Variants in F13A1 observed in about 807,000 individuals in gnomAD.
F13A1 encodes FSF, A subunit.
A neutral mutation model predicts 80.1 loss-of-function variants in F13A1; 47 were observed. The observed-to-expected ratio is 0.59, with a 90% CI of 0.46 to 0.75. The LOEUF (loss-of-function observed/expected upper bound fraction) is 0.75. Ranked by LOEUF, F13A1 falls within the 30% of genes least tolerant of loss-of-function variation. The pLI is 0.00. For synonymous variants in F13A1, 349 were observed against 344.9 expected (o/e 1.01, Z -0.13); for missense variants, 817 against 930.4 (o/e 0.88, Z 1.59).
intron 3 of F13A1, among the ~76,000 whole-genome samples, chr6:6,289,163 T>C (rs1758176925): frequency 6.6e-6 from 1 of 152,126 alleles, no homozygotes; most frequent in Non-Finnish European, 1.5e-5. Context: ...TATTTGCAGG[T>C]GAGGAAACAG....
At chr6:6,294,484 C>G (rs1422395787) in intron 3 of F13A1, among the ~76,000 whole-genome samples, 1 of 151,894 alleles carries the variant, frequency 6.6e-6, no homozygotes, top group African/African-American at 2.4e-5. Flanking sequence ...TAAATTAATA[C>G]TTAAATAAAC....
chr6:6,280,055 C>T (rs4959377), intron 3 of F13A1, among the ~76,000 whole-genome samples: 106,729 of 152,074 alleles, frequency 0.7, 38,301 homozygotes, highest in African/African-American at 0.86. Context: ...AAAGCAATTA[C>T]TGGAGAAACA....
rs866391768 is a variant in F13A1 at position 6,189,583 on chromosome 6, C to A, written c.1305+6214G>T. ...CTCTTCTGGCTTGTAGAGTTTCTGC[C>A]GAGAGATCCGCTGTTAGTCTGATGG... On this transcript the variant is annotated intron_variant, in intron 10 of 14. Transcript: ENST00000264870. Among the ~76,000 whole-genome samples, 3 of 143,866 alleles carry A rather than the reference C, an allele frequency of 2.1e-5. No homozygotes were observed. In the East Asian group the frequency reaches 6.1e-4, roughly 29 times the overall value. The allele number at this position is 143,866 out of a possible 152,430, so 94.4% of individuals were successfully genotyped here. A position where few individuals can be genotyped will look rare whatever the true frequency, so the allele number is the denominator to read the frequency against.
chr6:6,270,339 T>C lies in F13A1; in HGVS notation c.320-3530A>G, dbSNP rs530555866. The stretch of plus-strand genomic sequence containing the variant: ...TTTCTAAACTATTCGCAAACATCTG[T>C]ACTACTAGTAGGTCAACCTTTAGTT... On this transcript the variant is annotated intron_variant, in intron 3 of 14. Coordinates refer to ENST00000264870, the MANE Select transcript of F13A1 (RefSeq NM_000129.4). Among the ~76,000 whole-genome samples, 14 of 152,346 alleles carry C rather than the reference T, an allele frequency of 9.2e-5. No homozygotes were observed. The South Asian group carries it at 2.7e-3, about 29-fold the overall frequency.
chr6:6,244,674 G>A (rs1371079630), intron 6 of F13A1, among the ~76,000 whole-genome samples: 1 of 152,158 alleles, frequency 6.6e-6, no homozygotes, highest in East Asian at 1.9e-4. Context: ...CTATTTTGAA[G>A]AATAAAAGAG....
chr6:6,313,882 C>T (rs1384360402), intron 2 of F13A1, among the ~76,000 whole-genome samples: 2 of 152,108 alleles, frequency 1.3e-5, no homozygotes, highest in Middle Eastern at 3.2e-3. Context: ...AGAAATGAGC[C>T]CCATACCTCC....
chr6:6,145,476 TG>T lies in F13A1; in HGVS notation c.*142del, dbSNP rs1760260059. 1 of 1,010,072 alleles carries T rather than the reference TG, an allele frequency of 9.9e-7. No individual in the cohort carries two copies. The highest frequency in any genetic ancestry group is 1.5e-6 in the Non-Finnish European group (1 of 650,252). 62.6% of individuals were successfully genotyped at this position (1,010,072 alleles called of 1,614,324 possible). On this transcript the variant is annotated 3_prime_UTR_variant, in exon 15 of 15. Coordinates refer to ENST00000264870, the MANE Select transcript of F13A1 (RefSeq NM_000129.4). Reference sequence around the variant, plus strand: ...TGGAAAAGCATGTTTTTGAAATATGTGGGATCTCCACTCTGGAGCCCTCTGC... The same window carrying T: ...TGGAAAAGCATGTTTTTGAAATATGTGGATCTCCACTCTGGAGCCCTCTGC...
rs988396779 is a variant in F13A1 at position 6,305,024 on chromosome 6, G to A, written c.319+327C>T. On this transcript the variant is annotated intron_variant, in intron 3 of 14. Transcript: ENST00000264870. ...TAAGATTTACAAACATTTTCAGCAC[G>A]AGACCAATTAAATCATGGAGATAAA... 8.9e-5 allele frequency: 36 copies of A among 403,346 alleles called. 1 individual carries two copies. The highest frequency in any genetic ancestry group is 3.9e-4 in the East Asian group (7 of 17,992). 25.0% of individuals were successfully genotyped at this position (403,346 alleles called of 1,614,324 possible). A position where few individuals can be genotyped will look rare whatever the true frequency, so the allele number is the denominator to read the frequency against.
At chr6:6,167,719 G>T in intron 12 of F13A1, 101 bp from the exon 13 acceptor site, 1 of 1,359,130 alleles carries the variant, frequency 7.4e-7, no homozygotes, top group Non-Finnish European at 1.0e-6. Flanking sequence ...TAGCCTGGAA[G>T]CCACCAGGAA....
chr6:6,199,495 A>G (rs891428707), intron 8 of F13A1, among the ~76,000 whole-genome samples: 11 of 89,090 alleles, frequency 1.2e-4, no homozygotes, highest in African/African-American at 4.5e-4. Context: ...TCCATCTCAG[A>G]AAAAAAAAAA....
At chr6:6,190,261 T>C (rs1313341260) in intron 10 of F13A1, among the ~76,000 whole-genome samples, 1 of 152,252 alleles carries the variant, frequency 6.6e-6, no homozygotes, top group Non-Finnish European at 1.5e-5. Flanking sequence ...GTTCCTTTGC[T>C]GGTGAGGAAC....
chr6:6,202,338 C>G (rs938735712), intron 8 of F13A1, among the ~76,000 whole-genome samples: 1 of 152,130 alleles, frequency 6.6e-6, no homozygotes, highest in South Asian at 2.1e-4. Flanking sequence ...CTTGCAATTC[C>G]ATCATGCATT....
rs576026678 is a variant in F13A1 at position 6,184,749 on chromosome 6, C to A, written c.1306-2608G>T. ...TGAAAGTGGCTGATTCCTGCCCCCC[C>A]ACCTTGAATATGGCTTCAGAAATTC... On this transcript the variant is annotated intron_variant, in intron 10 of 14. Transcript: ENST00000264870. 2.9e-4 allele frequency among the ~76,000 whole-genome samples: 44 copies of A among 152,266 alleles called. 2 individuals carry two copies. Among genetic ancestry groups the A allele is most frequent in the African/African-American group, 7.5e-4 (31 of 41,550 alleles).
chr6:6,288,025 C>T (rs1758162656), intron 3 of F13A1, among the ~76,000 whole-genome samples: 1 of 151,690 alleles, frequency 6.6e-6, no homozygotes, highest in Non-Finnish European at 1.5e-5. Context: ...TAGACAATCA[C>T]TTATGGGGAA....
chr6:6,208,603 A>G (rs571834827), intron 8 of F13A1, among the ~76,000 whole-genome samples: 2 of 152,338 alleles, frequency 1.3e-5, no homozygotes, highest in South Asian at 2.1e-4. Context: ...TAGACACATC[A>G]TATTCAAACT....
At chr6:6,312,498 A>T (rs2815820) in intron 2 of F13A1, among the ~76,000 whole-genome samples, 3,159 of 31,636 alleles carry the variant, frequency 0.1, 89 homozygotes, top group East Asian at 0.14. Flanking sequence ...GGTGAAACCC[A>T]GTCTCTACTA....
At chr6:6,228,138 T>C (rs1757301745) in intron 6 of F13A1, among the ~76,000 whole-genome samples, 1 of 152,194 alleles carries the variant, frequency 6.6e-6, no homozygotes, top group Non-Finnish European at 1.5e-5. Context: ...CTTGAGTCAC[T>C]GGTGGTCAAG....
rs919874553 is a variant in F13A1 at position 6,195,836 on chromosome 6, A to G, written c.1266T>C (p.His422=). The part of the protein sequence containing the change: ...PASVQAIKHG[H]VCFQFDAPFV... Reference sequence around the variant, plus strand: ...AAGGTGCATCAAATTGGAAGCAGACATGGCCGTGCTTGATGGCTTGAACCG... The same window carrying G: ...AAGGTGCATCAAATTGGAAGCAGACGTGGCCGTGCTTGATGGCTTGAACCG... Residue 422 remains histidine (H), a synonymous_variant, in exon 10 of 15, where the codon CAT becomes CAC. Transcript: ENST00000264870. 1.2e-6 allele frequency: 2 copies of G among 1,614,198 alleles called. No individual in the cohort carries two copies. The highest frequency in any genetic ancestry group is 8.5e-7 in the Non-Finnish European group (1 of 1,180,012).
At chr6:6,190,242 T>C (rs765207401) in intron 10 of F13A1, among the ~76,000 whole-genome samples, 2 of 152,238 alleles carry the variant, frequency 1.3e-5, no homozygotes, top group Non-Finnish European at 2.9e-5. Flanking sequence ...TCGTTCTCCG[T>C]CCAGCTTTGT....
Sources: allele counts gnomAD v4.1 joint callset (sites outside exome capture counted in the v4.1 genomes callset), GRCh38; gene constraint gnomAD v4.1.1; transcripts MANE v1.5; gene names NCBI Gene and HGNC (gene_info 2026-07-23, HGNC 2026-07-21).